Variants in SBF2 observed in about 807,000 individuals in gnomAD.
The protein encoded by SBF2 is myotubularin-related protein 13.
A neutral mutation model predicts 225.2 loss-of-function variants in SBF2; 112 were observed. That is an observed-to-expected ratio of 0.50 (90% CI 0.43 to 0.58). The LOEUF (loss-of-function observed/expected upper bound fraction) is 0.58. Ranked by LOEUF, SBF2 falls within the 20% of genes least tolerant of loss-of-function variation. SBF2 has a pLI of 0.00. For missense variants in SBF2, 1,996 were observed against 2,206.2 expected, an observed-to-expected ratio of 0.90 and a Z score of 1.91; for synonymous variants, 763 against 773.3, an observed-to-expected ratio of 0.99 and a Z score of 0.22.
chr11:10,023,365 A>G (rs1383284032), intron 6 of SBF2, among the ~76,000 whole-genome samples: 1 of 152,182 alleles, frequency 6.6e-6, no homozygotes, highest in Non-Finnish European at 1.5e-5. Context: ...AGCCTCTAAC[A>G]GTAACATTTT....
At chr11:10,269,488 T>TA (rs1424756859) in intron 1 of SBF2, among the ~76,000 whole-genome samples, 4 of 152,218 alleles carry the variant, frequency 2.6e-5, no homozygotes, top group Non-Finnish European at 5.9e-5. Context: ...AAAATTCACA[T>TA]ATGTCCATAT....
intron 17 of SBF2, among the ~76,000 whole-genome samples, chr11:9,870,172 G>C (rs1858604824): frequency 6.6e-6 from 1 of 152,072 alleles, no homozygotes; most frequent in Non-Finnish European, 1.5e-5. Flanking sequence ...TCTTCAAAGA[G>C]AACTACAAAC....
chr11:10,018,346 C>T (rs1270953061), intron 6 of SBF2, among the ~76,000 whole-genome samples: 1 of 151,872 alleles, frequency 6.6e-6, no homozygotes, highest in Non-Finnish European at 1.5e-5. Context: ...AATAATAGAG[C>T]TATGTATCAA....
At chr11:10,063,766 T>C (rs1473481648) in intron 2 of SBF2, among the ~76,000 whole-genome samples, 1 of 151,196 alleles carries the variant, frequency 6.6e-6, no homozygotes, top group Non-Finnish European at 1.5e-5. Context: ...CACAACAGAT[T>C]AGATGCTATG....
chr11:9,796,041 A>G lies in SBF2; in HGVS notation c.4444-84T>C. On this transcript the variant is annotated intron_variant, in intron 32 of 39. Coordinates refer to ENST00000256190, the MANE Select transcript of SBF2 (RefSeq NM_030962.4). ...AGGCCACTGAAGGCTTAACTGAAACATGCAGGAGACCATTCAGTCATTCAC... is the reference window on the plus strand; with the variant it reads ...AGGCCACTGAAGGCTTAACTGAAACGTGCAGGAGACCATTCAGTCATTCAC... 3.0e-6 allele frequency: 4 copies of G among 1,331,370 alleles called. No homozygotes were observed. In the South Asian group the frequency reaches 3.6e-5, roughly 12 times the overall value. The allele number at this position is 1,331,370 out of a possible 1,614,324, so 82.5% of individuals were successfully genotyped here.
At chr11:10,182,357 A>C (rs11042652) in intron 2 of SBF2, among the ~76,000 whole-genome samples, 14,502 of 152,210 alleles carry the variant, frequency 0.095, 942 homozygotes, top group East Asian at 0.28. Flanking sequence ...TTATAAGCAA[A>C]TTATGTATTT....
At position 9,859,637 on chromosome 11, in the gene SBF2, G is replaced by C. The variant is rs375354198; in HGVS notation, c.1930-1241C>G. ...CTGAGTGTCTTCTCCTGAAATGCTG[G>C]ACACTGAAGATGATTACTAAGGTTA... is the stretch of plus-strand genomic sequence containing the variant. On this transcript the variant is annotated intron_variant, in intron 17 of 39. Transcript: ENST00000256190. Among the ~76,000 whole-genome samples, 32 of 152,194 alleles carry C rather than the reference G, an allele frequency of 2.1e-4. 1 individual carries two copies. Among genetic ancestry groups the C allele is most frequent in the African/African-American group, 7.2e-4 (30 of 41,532 alleles).
intron 2 of SBF2, among the ~76,000 whole-genome samples, chr11:10,074,859 A>G (rs887432306): frequency 1.2e-4 from 19 of 152,222 alleles, no homozygotes; most frequent in African/African-American, 4.3e-4. Context: ...CAATTTGCTA[A>G]ATATAGCCAA....
chr11:9,946,387 G>A (rs1865562498), intron 16 of SBF2, among the ~76,000 whole-genome samples: 2 of 151,248 alleles, frequency 1.3e-5, no homozygotes, highest in Admixed American at 6.6e-5. Flanking sequence ...ATAAAAATTG[G>A]GGAAAAAAAT....
At chr11:10,230,823 GTTCTCTGTA>G (rs1289669999) in intron 1 of SBF2, among the ~76,000 whole-genome samples, 1 of 152,046 alleles carries the variant, frequency 6.6e-6, no homozygotes, top group Non-Finnish European at 1.5e-5. Context: ...TCTTTGTGGC[GTTCTCTGTA>G]TTTCCTGAAT....
intron 17 of SBF2, among the ~76,000 whole-genome samples, chr11:9,867,595 G>T (rs1464519534): frequency 6.6e-6 from 1 of 152,022 alleles, no homozygotes; most frequent in African/African-American, 2.4e-5. Flanking sequence ...TATTCACAAT[G>T]GCCACGATAT....
chr11:9,834,915 C>G (rs796274940), intron 26 of SBF2, among the ~76,000 whole-genome samples: 1 of 152,196 alleles, frequency 6.6e-6, no homozygotes, highest in Admixed American at 6.5e-5. Flanking sequence ...GCACTACACA[C>G]AGACCATCCT....
chr11:10,012,274 T>A (rs577802827), intron 6 of SBF2, among the ~76,000 whole-genome samples: 1 of 152,154 alleles, frequency 6.6e-6, no homozygotes, highest in Non-Finnish European at 1.5e-5. Flanking sequence ...GCTTCCTGCA[T>A]AGCTGGGACT....
chr11:9,907,573 T>C (rs766024021), intron 16 of SBF2, among the ~76,000 whole-genome samples: 4 of 152,228 alleles, frequency 2.6e-5, no homozygotes, highest in Non-Finnish European at 5.9e-5. Flanking sequence ...TACAAAACCA[T>C]AAAGGATGTA....
At chr11:10,260,590 C>T (rs1961331331) in intron 1 of SBF2, among the ~76,000 whole-genome samples, 1 of 151,674 alleles carries the variant, frequency 6.6e-6, no homozygotes, top group Non-Finnish European at 1.5e-5. Context: ...GTGGCGGGCA[C>T]CTGTAGTCCC....
rs1391569597 is a variant in SBF2, at chr11:10,042,924, C to A, written c.199G>T (p.Val67Leu). The change falls in exon 3 of 40, where the codon GTG becomes TTG. Residue 67 changes from valine to leucine, a missense_variant. Physicochemically the swap from Val to Leu is conservative, Grantham distance 32. Transcript: ENST00000256190. ...GAGTCAATGTCTGTCAGGACAACCA[C>A]AAAGAACGTTGGCTGCTTCCTCTCT... ...SRERKQPTFF[V>L]VVLTDIDSDR... 6.2e-7 allele frequency: 1 copy of A among 1,613,980 alleles called. No homozygotes were observed. Among genetic ancestry groups the A allele is most frequent in the Non-Finnish European group, 8.5e-7 (1 of 1,179,928 alleles).
At chr11:9,933,368 A>C (rs1864643996) in intron 16 of SBF2, among the ~76,000 whole-genome samples, 2 of 152,224 alleles carry the variant, frequency 1.3e-5, no homozygotes, top group Non-Finnish European at 2.9e-5. Context: ...TCTTCTCAGC[A>C]CCACATCACA....
In SBF2 at chr11:9,856,572, A is replaced by G. The variant is rs1857330206; in HGVS notation, c.2249T>C (p.Phe750Ser). The change falls in exon 19 of 40, where the codon TTT (phenylalanine) becomes TCT (serine). Residue 750 changes from phenylalanine to serine, a missense_variant. Physicochemically the swap from Phe to Ser is radical, Grantham distance 155 (BLOSUM62 -2). Coordinates refer to ENST00000256190, the MANE Select transcript of SBF2 (RefSeq NM_030962.4). ...TAGCAGGTTCACCATGAGGTTTGCA[A>G]AGTGAATGGCCTGACTAAAGACAGT... Reference protein sequence around the residue: ...ESTVFSQAIHFANLMVNLLVP... With the variant: ...ESTVFSQAIHSANLMVNLLVP... 1 of 1,613,978 alleles carries G rather than the reference A, an allele frequency of 6.2e-7. No homozygotes were observed. Among genetic ancestry groups the G allele is most frequent in the Non-Finnish European group, 8.5e-7 (1 of 1,180,034 alleles).
intron 2 of SBF2, among the ~76,000 whole-genome samples, chr11:10,069,124 C>T (rs887418873): frequency 2.0e-5 from 3 of 152,092 alleles, no homozygotes; most frequent in East Asian, 3.8e-4. Flanking sequence ...TATTTAGATA[C>T]ACTAATTGTC....
Sources: gnomAD v4.1 joint callset for allele counts (sites outside exome capture counted in the v4.1 genomes callset) on GRCh38, gnomAD v4.1.1 for gene constraint, MANE v1.5 for transcripts, NCBI Gene and HGNC (gene_info 2026-07-23, HGNC 2026-07-21) for gene names.